The following CASD1 variants were observed in gnomAD, a reference collection of about 807,000 sequenced individuals.
CASD1 encodes the protein CAS1 domain sialic acid O acetyltransferase 1.
In CASD1, 41 loss-of-function variants were observed where a neutral mutation model predicts 100.0. That is an observed-to-expected ratio of 0.41 (90% CI 0.32 to 0.53). CASD1 has a LOEUF of 0.53. Ranked by LOEUF, CASD1 falls within the 20% of genes least tolerant of loss-of-function variation. CASD1 has a pLI of 0.25. For synonymous variants in CASD1, 321 were observed against 315.6 expected (o/e 1.02, Z -0.18); for missense variants, 774 against 948.7 (o/e 0.82, Z 2.42).
At chr7:94,550,952 T>C (rs2116412892) in intron 14 of CASD1, among the ~76,000 whole-genome samples, 1 of 152,292 alleles carries the variant, frequency 6.6e-6, no homozygotes, top group African/African-American at 2.4e-5. Context: ...GTGTTATTCT[T>C]TGTTTTATTT....
the CASD1 span, among the ~76,000 whole-genome samples, chr7:94,579,319 C>T: frequency 6.6e-6 from 1 of 151,524 alleles, no homozygotes; most frequent in African/African-American, 2.4e-5. Context: ...TAGGCACATG[C>T]ATGGACTCCC....
At chr7:94,604,123 T>C in the CASD1 span, among the ~76,000 whole-genome samples, 1 of 152,014 alleles carries the variant, frequency 6.6e-6, no homozygotes, top group Non-Finnish European at 1.5e-5. Flanking sequence ...TGGGGAAAGA[T>C]CTCTACTTAA....
At chr7:94,520,772 A>G (rs922729198) in intron 3 of CASD1, among the ~76,000 whole-genome samples, 2 of 152,204 alleles carry the variant, frequency 1.3e-5, no homozygotes, top group African/African-American at 4.8e-5. Flanking sequence ...CCTGGCCAAC[A>G]TGGTGAAACC....
chr7:94,533,890 C>A, intron 7 of CASD1, 88 bp downstream of exon 7: 1 of 1,193,234 alleles, frequency 8.4e-7, no homozygotes, highest in Non-Finnish European at 1.1e-6. Flanking sequence ...AGCAGAATTA[C>A]TGCTTTATGA....
chr7:94,623,229 G>T, the CASD1 span: 1 of 701,842 alleles, frequency 1.4e-6, no homozygotes, highest in Non-Finnish European at 2.4e-6. Context: ...TTAGGTATGT[G>T]GCATTTTAAA....
the CASD1 span, among the ~76,000 whole-genome samples, chr7:94,575,395 G>C: frequency 6.6e-6 from 1 of 152,152 alleles, no homozygotes; most frequent in Non-Finnish European, 1.5e-5. Context: ...GTTTCTTTGT[G>C]CTCTGGTCCC....
At chr7:94,533,471 G>T (rs1794950525) in intron 6 of CASD1, among the ~76,000 whole-genome samples, 1 of 151,974 alleles carries the variant, frequency 6.6e-6, no homozygotes, top group African/African-American at 2.4e-5. Flanking sequence ...TATTCTTCTT[G>T]AATGTTATAC....
At chr7:94,517,138 G>C (rs193009869) in intron 1 of CASD1, among the ~76,000 whole-genome samples, 1 of 152,000 alleles carries the variant, frequency 6.6e-6, no homozygotes, top group Non-Finnish European at 1.5e-5. Flanking sequence ...ACTCGACCTC[G>C]AGTGATCTGC....
chr7:94,524,635 T>C (rs1479747879), intron 3 of CASD1, among the ~76,000 whole-genome samples: 2 of 152,098 alleles, frequency 1.3e-5, no homozygotes, highest in African/African-American at 4.8e-5. Flanking sequence ...ATGGAACAAT[T>C]AGGGAAATTC....
the CASD1 span, among the ~76,000 whole-genome samples, chr7:94,610,060 T>C: frequency 2.6e-5 from 4 of 152,210 alleles, no homozygotes; most frequent in African/African-American, 7.2e-5. Context: ...TGAAACGATA[T>C]GGAAGAAACT....
the CASD1 span, among the ~76,000 whole-genome samples, chr7:94,568,563 A>G: frequency 2.0e-5 from 3 of 152,212 alleles, no homozygotes; most frequent in African/African-American, 7.2e-5. Flanking sequence ...ATTATAGACA[A>G]AAGGCTAATC....
chr7:94,573,646 T>G, the CASD1 span, among the ~76,000 whole-genome samples: 1 of 152,170 alleles, frequency 6.6e-6, no homozygotes, highest in South Asian at 2.1e-4. Flanking sequence ...ATTGGGTTTT[T>G]CAGGATGTAG....
At chr7:94,547,553 A>G (rs915597950) in intron 13 of CASD1, among the ~76,000 whole-genome samples, 2 of 151,948 alleles carry the variant, frequency 1.3e-5, no homozygotes, top group Admixed American at 6.6e-5. Context: ...TGATTTTTCC[A>G]TAACTACATA....
chr7:94,558,364 T>TG (rs1346712562), downstream of CASD1, among the ~76,000 whole-genome samples: 3 of 152,302 alleles, frequency 2.0e-5, no homozygotes, highest in East Asian at 5.8e-4. Flanking sequence ...TGTAATGAAT[T>TG]GGATGTACCA....
chr7:94,524,846 T>C (rs1488229427), intron 3 of CASD1, among the ~76,000 whole-genome samples: 1 of 152,072 alleles, frequency 6.6e-6, no homozygotes, highest in Non-Finnish European at 1.5e-5. Context: ...TTATACGAGA[T>C]TAAGAGATGT....
chr7:94,558,370 T>G (rs1796276688), downstream of CASD1, among the ~76,000 whole-genome samples: 1 of 152,182 alleles, frequency 6.6e-6, no homozygotes, highest in South Asian at 2.1e-4. Flanking sequence ...GAATTGGATG[T>G]ACCACATGGG....
chr7:94,630,716 G>A, the CASD1 span, among the ~76,000 whole-genome samples: 7 of 151,690 alleles, frequency 4.6e-5, no homozygotes, highest in Admixed American at 2.0e-4. Context: ...GATCTCTTTT[G>A]GGTTTCTATA....
At position 94,509,835 on chromosome 7, in the gene CASD1, A is replaced by G; in HGVS notation, c.-250A>G. ...AGACAGGCGTCCAGGGCGCCTGGGG[A>G]ACCGGCACGGCGGAGCAGCGGCGGC... On this transcript the variant is annotated 5_prime_UTR_variant, in exon 1 of 18. Transcript: ENST00000297273. 1.0e-6 allele frequency: 1 copy of G among 999,404 alleles called. No individual in the cohort carries two copies. Among genetic ancestry groups the G allele is most frequent in the Non-Finnish European group, 1.2e-6 (1 of 840,602 alleles). The allele number at this position is 999,404 out of a possible 1,614,324, so 61.9% of individuals were successfully genotyped here. A position where few individuals can be genotyped will look rare whatever the true frequency, so the allele number is the denominator to read the frequency against.
the CASD1 span, among the ~76,000 whole-genome samples, chr7:94,580,244 G>A: frequency 5.9e-5 from 9 of 152,070 alleles, no homozygotes; most frequent in Admixed American, 2.6e-4. Context: ...ACATCCTTCA[G>A]ACTTTATTTT....
Sources: allele counts gnomAD v4.1 joint callset (sites outside exome capture counted in the v4.1 genomes callset), GRCh38; gene constraint gnomAD v4.1.1; transcripts MANE v1.5; gene names NCBI Gene and HGNC (gene_info 2026-07-23, HGNC 2026-07-21).